Variants in GRID2 observed in about 807,000 individuals in gnomAD.
The protein encoded by GRID2 is glutamate ionotropic receptor delta type subunit 2.
In GRID2, 33 loss-of-function variants were observed where a neutral mutation model predicts 114.8. The observed-to-expected ratio is 0.29, with a 90% CI of 0.22 to 0.38. GRID2 has a LOEUF of 0.38. GRID2 is among the 10% of genes least tolerant of loss of function. The pLI is 1.00. For missense variants in GRID2, 1,184 were observed against 1,257.7 expected (o/e 0.94, Z 0.89); for synonymous variants, 505 against 449.9 (o/e 1.12, Z -1.55).
chr4:92,774,192 A>T (rs1738676608), intron 2 of GRID2, among the ~76,000 whole-genome samples: 1 of 152,316 alleles, frequency 6.6e-6, no homozygotes, highest in South Asian at 2.1e-4. Context: ...GTGAAGGATA[A>T]GCAGGAGTTA....
Position 93,164,845 on chromosome 4 carries a change from A to G in GRID2, c.736-42559A>G, listed in dbSNP as rs996262431. 2.1e-5 allele frequency: 7 copies of G among 331,590 alleles called. No individual in the cohort carries two copies. The East Asian group carries it at 5.3e-4, about 25-fold the overall frequency. 20.5% of individuals were successfully genotyped at this position (331,590 alleles called of 1,614,324 possible). On this transcript the variant is annotated intron_variant, in intron 4 of 15. Transcript: ENST00000282020. ...GGAGTAAATAAAGTAAGCTTTGACTACTGTTCTCTAATTCATGCGTACCTC... is the reference window on the plus strand; with the variant it reads ...GGAGTAAATAAAGTAAGCTTTGACTGCTGTTCTCTAATTCATGCGTACCTC...
At chr4:93,277,967 T>C (rs1198746780) in intron 8 of GRID2, among the ~76,000 whole-genome samples, 2 of 151,936 alleles carry the variant, frequency 1.3e-5, no homozygotes, top group African/African-American at 4.8e-5. Flanking sequence ...ATTTATAGGA[T>C]TTCCATAATT....
chr4:93,111,010 T>C, intron 4 of GRID2, 57 bp downstream of exon 4: 1 of 1,089,264 alleles, frequency 9.2e-7, no homozygotes, highest in East Asian at 2.3e-5. Flanking sequence ...AGCTTTGGAA[T>C]AGACCCTACA....
At chr4:92,807,430 A>G (rs1169264861) in intron 2 of GRID2, among the ~76,000 whole-genome samples, 5 of 151,656 alleles carry the variant, frequency 3.3e-5, no homozygotes, top group African/African-American at 4.8e-5. Flanking sequence ...TGTGATGTGC[A>G]AAAAAAATGT....
At chr4:93,333,362 A>G (rs1372005663) in intron 8 of GRID2, among the ~76,000 whole-genome samples, 2 of 152,202 alleles carry the variant, frequency 1.3e-5, no homozygotes, top group African/African-American at 2.4e-5. Context: ...AACAAGTTCC[A>G]AAGGATTTAT....
chr4:93,286,058 T>G (rs1389286551), intron 8 of GRID2, among the ~76,000 whole-genome samples: 1 of 152,132 alleles, frequency 6.6e-6, no homozygotes, highest in African/African-American at 2.4e-5. Context: ...TAACAATACA[T>G]GTCAGAAAAA....
intron 2 of GRID2, among the ~76,000 whole-genome samples, chr4:93,011,305 G>A (rs1186802421): frequency 1.3e-5 from 2 of 151,826 alleles, no homozygotes; most frequent in East Asian, 3.9e-4. Context: ...TCCTAAACAA[G>A]CAGAAGCTCT....
intron 8 of GRID2, among the ~76,000 whole-genome samples, chr4:93,239,050 T>C (rs1355816224): frequency 2.0e-5 from 3 of 150,452 alleles, no homozygotes. Flanking sequence ...GGACAATAAC[T>C]TTCTCAAGGA....
At chr4:92,380,394 GGTT>G (rs1729561346) in intron 1 of GRID2, among the ~76,000 whole-genome samples, 1 of 151,816 alleles carries the variant, frequency 6.6e-6, no homozygotes, top group South Asian at 2.1e-4. Flanking sequence ...TTGATCCTCA[GGTT>G]GTTATCTGTG....
chr4:93,332,297 TGTGAGA>T (rs537711446), intron 8 of GRID2, among the ~76,000 whole-genome samples: 6,718 of 132,718 alleles, frequency 0.051, 185 homozygotes, highest in Middle Eastern at 0.16. Context: ...TGTGTGTGTG[TGTGAGA>T]GAGAGAGAGA....
chr4:93,100,829 A>G (rs190160933), intron 3 of GRID2, among the ~76,000 whole-genome samples: 3 of 152,184 alleles, frequency 2.0e-5, no homozygotes, highest in Admixed American at 1.3e-4. Flanking sequence ...CTCTTTTCCT[A>G]TTGAATTCAA....
At chr4:93,602,586 G>T (rs1326474193) in intron 13 of GRID2, among the ~76,000 whole-genome samples, 4 of 152,214 alleles carry the variant, frequency 2.6e-5, no homozygotes, top group Non-Finnish European at 5.9e-5. Flanking sequence ...ATGAGGCACT[G>T]TGAACTGTAC....
intron 1 of GRID2, among the ~76,000 whole-genome samples, chr4:92,372,409 C>T (rs1032376853): frequency 2.6e-5 from 4 of 152,244 alleles, no homozygotes; most frequent in South Asian, 4.1e-4. Context: ...CCTTCAGCAA[C>T]GGGCACCCTG....
chr4:93,271,265 A>G (rs1286534380), intron 8 of GRID2, among the ~76,000 whole-genome samples: 1 of 152,152 alleles, frequency 6.6e-6, no homozygotes, highest in Non-Finnish European at 1.5e-5. Context: ...TAGAATAAAT[A>G]TGAACTCTGT....
intron 1 of GRID2, among the ~76,000 whole-genome samples, chr4:92,478,996 G>GGT (rs1722451258): frequency 6.6e-6 from 1 of 152,012 alleles, no homozygotes; most frequent in Non-Finnish European, 1.5e-5. Context: ...CTTTCTTTAT[G>GGT]GTGTGGCTGC....
chr4:93,086,302 G>T (rs1035939645), intron 3 of GRID2, among the ~76,000 whole-genome samples: 19 of 152,134 alleles, frequency 1.2e-4, no homozygotes, highest in African/African-American at 4.3e-4. Context: ...TTGCAAATAA[G>T]TAAATAAACA....
At chr4:93,366,746 A>T (rs1762375802) in intron 8 of GRID2, among the ~76,000 whole-genome samples, 1 of 152,082 alleles carries the variant, frequency 6.6e-6, no homozygotes, top group South Asian at 2.1e-4. Context: ...CCGGCTTTAA[A>T]ATTTCTCTCT....
At chr4:93,021,132 T>G (rs1217515483) in intron 2 of GRID2, among the ~76,000 whole-genome samples, 2 of 151,954 alleles carry the variant, frequency 1.3e-5, no homozygotes, top group Non-Finnish European at 2.9e-5. Context: ...GATATTTCAG[T>G]TATTTTTCCA....
chr4:93,106,097 T>A (rs1350599682), intron 3 of GRID2, among the ~76,000 whole-genome samples: 1 of 152,206 alleles, frequency 6.6e-6, no homozygotes, highest in South Asian at 2.1e-4. Context: ...TGTAATTATC[T>A]GGTCAGTAGA....
Sources: gnomAD v4.1 joint callset for allele counts (sites outside exome capture counted in the v4.1 genomes callset) on GRCh38, gnomAD v4.1.1 for gene constraint, MANE v1.5 for transcripts, NCBI Gene and HGNC (gene_info 2026-07-23, HGNC 2026-07-21) for gene names.